IRAG2: variants seen among roughly 807,000 people sequenced by gnomAD.
IRAG2 encodes the protein inositol 1,4,5-triphosphate receptor associated 2, also known as lymphoid restricted membrane protein.
In IRAG2, 45 loss-of-function variants were observed where a neutral mutation model predicts 69.9. That is an observed-to-expected ratio of 0.64 (90% CI 0.51 to 0.83). The LOEUF is 0.83. IRAG2 is among the 40% of genes least tolerant of loss of function. The probability of loss-of-function intolerance (pLI) is 0.00; values close to 1 mark genes in which losing one functional copy is unlikely to be tolerated. For synonymous variants in IRAG2, 193 were observed against 202.4 expected, an observed-to-expected ratio of 0.95 and a Z score of 0.40; for missense variants, 520 against 587.0, an observed-to-expected ratio of 0.89 and a Z score of 1.18.
At chr12:25,022,603 A>T (rs1308730867) in intron 7 of IRAG2, among the ~76,000 whole-genome samples, 1 of 152,250 alleles carries the variant, frequency 6.6e-6, no homozygotes, top group Non-Finnish European at 1.5e-5. Context: ...ACTTCATCTC[A>T]TAGGTAATAA....
At chr12:25,071,923 G>T (rs1464692805) in intron 6 of IRAG2, among the ~76,000 whole-genome samples, 2 of 152,108 alleles carry the variant, frequency 1.3e-5, no homozygotes, top group Non-Finnish European at 2.9e-5. Flanking sequence ...TAGGAGCTGG[G>T]CTGGGCGCAG....
chr12:25,081,151 G>GTCTC (rs10629974), intron 9 of IRAG2, among the ~76,000 whole-genome samples: 2 of 151,542 alleles, frequency 1.3e-5, no homozygotes, highest in African/African-American at 2.4e-5. Flanking sequence ...TGTGAATGTG[G>GTCTC]TCTCTCTCTC....
At chr12:25,004,640 C>G in exon 1 of IRAG2, 1 of 1,232,150 alleles carries the variant, frequency 8.1e-7, no homozygotes, top group Non-Finnish European at 1.0e-6. Flanking sequence ...CCATCCACCT[C>G]TCACCTCAGC....
chr12:25,062,934 T>A (rs2139979804), intron 3 of IRAG2, 34 bp downstream of exon 3: 1 of 398,972 alleles, frequency 2.5e-6, no homozygotes, highest in Non-Finnish European at 4.4e-6. Context: ...ATTTAGGTAG[T>A]AATTGTGAAT....
At chr12:25,054,493 T>A (rs1029759333) in intron 1 of IRAG2, among the ~76,000 whole-genome samples, 1 of 152,226 alleles carries the variant, frequency 6.6e-6, no homozygotes, top group Non-Finnish European at 1.5e-5. Flanking sequence ...TCAACTTTAA[T>A]AACTTACCCC....
chr12:25,026,874 C>T, intron 9 of IRAG2: 1 of 1,205,174 alleles, frequency 8.3e-7, no homozygotes, highest in Non-Finnish European at 1.0e-6. Context: ...CAAGTAAGCA[C>T]TTCCCAAATA....
rs946168625 is a variant in IRAG2, at chr12:25,108,233, G to A, written c.*173G>A. The A allele has an allele frequency of 3.9e-5, 26 of 659,842 alleles. No homozygotes were observed. Among genetic ancestry groups the A allele is most frequent in the Non-Finnish European group, 6.0e-5 (24 of 401,758 alleles). The allele number at this position is 659,842 out of a possible 1,614,324, so 40.9% of individuals were successfully genotyped here. On this transcript the variant is annotated 3_prime_UTR_variant, in exon 22 of 22. Coordinates refer to ENST00000556887, the MANE Select transcript of IRAG2 (RefSeq NM_001366544.2). ...TTTATCTCCCCAACTAAAATACAATGGGGAAGAAGTCTGCCTATGATCTTT... is the reference window on the plus strand; with the variant it reads ...TTTATCTCCCCAACTAAAATACAATAGGGAAGAAGTCTGCCTATGATCTTT...
chr12:25,068,290 A>C (rs1366350717), intron 5 of IRAG2, among the ~76,000 whole-genome samples: 1 of 152,176 alleles, frequency 6.6e-6, no homozygotes, highest in African/African-American at 2.4e-5. Context: ...ATTTTAAAGG[A>C]TACAAATGAA....
At chr12:25,091,843 A>G (rs1948084335) in intron 14 of IRAG2, among the ~76,000 whole-genome samples, 1 of 152,094 alleles carries the variant, frequency 6.6e-6, no homozygotes, top group Non-Finnish European at 1.5e-5. Flanking sequence ...TTTGGTTTGT[A>G]TTTCTCTAAT....
chr12:25,079,537 T>G, intron 8 of IRAG2, 75 bp downstream of exon 8: 1 of 1,413,088 alleles, frequency 7.1e-7, no homozygotes, highest in South Asian at 1.2e-5. Flanking sequence ...TGTGACCTGC[T>G]GGGGTGTGAG....
intron 6 of IRAG2, among the ~76,000 whole-genome samples, chr12:25,077,893 G>C (rs1946936638): frequency 6.6e-6 from 1 of 152,174 alleles, no homozygotes; most frequent in African/African-American, 2.4e-5. Flanking sequence ...AAGTTCGATT[G>C]TAGATTTTTC....
At chr12:25,064,167 A>C (rs1472420803) in intron 4 of IRAG2, among the ~76,000 whole-genome samples, 2 of 152,228 alleles carry the variant, frequency 1.3e-5, no homozygotes, top group African/African-American at 4.8e-5. Context: ...TAGCTCACAG[A>C]CTAGCAAGGA....
At chr12:25,055,631 G>T (rs1053832795) in intron 1 of IRAG2, among the ~76,000 whole-genome samples, 1 of 152,064 alleles carries the variant, frequency 6.6e-6, no homozygotes, top group African/African-American at 2.4e-5. Context: ...ACAGGCCCCA[G>T]TGTGTGATGT....
chr12:25,004,968 T>A, intron 1 of IRAG2: 1 of 1,087,798 alleles, frequency 9.2e-7, no homozygotes, highest in Non-Finnish European at 1.2e-6. Flanking sequence ...TAAACATATC[T>A]ACTTTTAGAA....
chr12:25,103,779 G>C (rs1592107576), intron 17 of IRAG2, 58 bp from the exon 18 acceptor site: 2 of 1,196,962 alleles, frequency 1.7e-6, no homozygotes, highest in East Asian at 2.3e-5. Flanking sequence ...TATTGGTGTT[G>C]CATATAATGA....
chr12:25,082,840 G>A (rs1342169984), intron 9 of IRAG2, among the ~76,000 whole-genome samples: 1 of 152,040 alleles, frequency 6.6e-6, no homozygotes, highest in East Asian at 1.9e-4. Flanking sequence ...GTAGGACAAT[G>A]GACTGAGTAA....
At position 25,055,458 on chromosome 12, in the gene IRAG2, A is replaced by G. The variant is rs139373367; in HGVS notation, c.-447+2502A>G. ...ATTATAATTAGTGTTTGCTTTAAAA[A>G]GGAAATTTTTTTTATTATACTTATG... On this transcript the variant is annotated intron_variant, in intron 1 of 21. Transcript: ENST00000556887. 3.9e-5 allele frequency among the ~76,000 whole-genome samples: 6 copies of G among 152,348 alleles called. No individual in the cohort carries two copies. In the East Asian group the frequency reaches 1.2e-3, roughly 29 times the overall value.
At chr12:25,001,970 C>T (rs2139810093), upstream of IRAG2, among the ~76,000 whole-genome samples, 1 of 152,082 alleles carries the variant, frequency 6.6e-6, no homozygotes, top group East Asian at 1.9e-4. Context: ...GGGGTTTCAT[C>T]ATGTTGGTCA....
chr12:25,087,383 G>A (rs1300543832), intron 10 of IRAG2, among the ~76,000 whole-genome samples: 2 of 151,830 alleles, frequency 1.3e-5, no homozygotes, highest in Non-Finnish European at 2.9e-5. Context: ...GGCCAGGCTG[G>A]TCTTGAACTC....
Sources: gnomAD v4.1 joint callset for allele counts (sites outside exome capture counted in the v4.1 genomes callset) on GRCh38, gnomAD v4.1.1 for gene constraint, MANE v1.5 for transcripts, NCBI Gene and HGNC (gene_info 2026-07-23, HGNC 2026-07-21) for gene names.